Variants in LMX1A observed in about 807,000 individuals in gnomAD.
LMX1A encodes the protein LIM homeobox transcription factor 1 alpha.
LMX1A carries 15 observed loss-of-function variants against 49.1 expected under a neutral mutation model. The ratio of observed to expected loss-of-function variants is 0.31; its 90% CI spans 0.20 to 0.47. The LOEUF (loss-of-function observed/expected upper bound fraction) is 0.47. Among genes scored for constraint, LMX1A ranks in the 20% least tolerant of loss-of-function variants. The pLI is 1.00. For missense variants in LMX1A, 372 were observed against 475.8 expected, an observed-to-expected ratio of 0.78 and a Z score of 2.03; for synonymous variants, 167 against 185.7, an observed-to-expected ratio of 0.90 and a Z score of 0.82.
intron 6 of LMX1A, among the ~76,000 whole-genome samples, chr1:165,209,987 C>T (rs1355132887): frequency 6.6e-6 from 1 of 152,208 alleles, no homozygotes; most frequent in Non-Finnish European, 1.5e-5. Context: ...ATCCACTGCA[C>T]AATTGATTGC....
rs1432993130 is a variant in LMX1A, at chr1:165,203,484, C to CATCT, written c.*392_*395dup. ...GAAAGGTTACACACTCACACACACACATCTATCTATCTGTCCTTCTGTCTA... is the reference window on the plus strand; with the variant it reads ...GAAAGGTTACACACTCACACACACACATCTATCTATCTATCTGTCCTTCTGTCTA... On this transcript the variant is annotated 3_prime_UTR_variant, in exon 9 of 9. Transcript: ENST00000342310. 6.2e-6 allele frequency: 1 copy of CATCT among 160,444 alleles called. No homozygotes were observed. The highest frequency in any genetic ancestry group is 1.9e-4 in the South Asian group (1 of 5,236). The allele number at this position is 160,444 out of a possible 1,614,324, so 9.9% of individuals were successfully genotyped here.
intron 3 of LMX1A, among the ~76,000 whole-genome samples, chr1:165,332,200 G>A (rs376972338): frequency 2.0e-5 from 3 of 151,994 alleles, no homozygotes; most frequent in African/African-American, 7.2e-5. Context: ...TAAACCAAAA[G>A]AAGGCATGAA....
intron 4 of LMX1A, among the ~76,000 whole-genome samples, chr1:165,242,123 T>C (rs1652676329): frequency 6.6e-6 from 1 of 152,144 alleles, no homozygotes; most frequent in South Asian, 2.1e-4. Flanking sequence ...ATTCACACAA[T>C]AAGCAAACAT....
At chr1:165,347,498 G>A (rs1656287771) in intron 3 of LMX1A, among the ~76,000 whole-genome samples, 1 of 152,126 alleles carries the variant, frequency 6.6e-6, no homozygotes, top group Non-Finnish European at 1.5e-5. Flanking sequence ...GCTTATATGG[G>A]AACTTCTCTC....
intron 3 of LMX1A, among the ~76,000 whole-genome samples, chr1:165,305,240 A>G (rs1557878942): frequency 6.6e-6 from 1 of 152,282 alleles, no homozygotes; most frequent in East Asian, 1.9e-4. Context: ...CTTCCCAGGT[A>G]ATGGGGTCGA....
chr1:165,204,093 C>T, intron 8 of LMX1A, 53 bp from the exon 9 acceptor site: 1 of 1,583,236 alleles, frequency 6.3e-7, no homozygotes, highest in Non-Finnish European at 8.6e-7. Flanking sequence ...TGACTCATTT[C>T]AGTGCTAGGA....
chr1:165,289,205 T>G (rs916623828), intron 3 of LMX1A, among the ~76,000 whole-genome samples: 1 of 150,636 alleles, frequency 6.6e-6, no homozygotes, highest in Non-Finnish European at 1.5e-5. Context: ...CCAAAGTCAC[T>G]GAAATGTGTG....
chr1:165,248,290 G>A (rs1652929887), intron 4 of LMX1A, among the ~76,000 whole-genome samples: 1 of 152,184 alleles, frequency 6.6e-6, no homozygotes, highest in South Asian at 2.1e-4. Context: ...AGGCTGGAGT[G>A]AAGGGTGGGA....
chr1:165,292,806 C>T (rs1654511718), intron 3 of LMX1A, among the ~76,000 whole-genome samples: 1 of 152,120 alleles, frequency 6.6e-6, no homozygotes, highest in African/African-American at 2.4e-5. Context: ...CCACGTGTCA[C>T]ATTCATTGTC....
At chr1:165,347,298 G>A (rs183491081) in intron 3 of LMX1A, among the ~76,000 whole-genome samples, 2 of 152,284 alleles carry the variant, frequency 1.3e-5, no homozygotes, top group African/African-American at 4.8e-5. Flanking sequence ...ATCTGAAAAG[G>A]CCACTGGCAG....
At chr1:165,226,531 G>T (rs1029659288) in intron 4 of LMX1A, among the ~76,000 whole-genome samples, 1 of 152,190 alleles carries the variant, frequency 6.6e-6, no homozygotes, top group Non-Finnish European at 1.5e-5. Flanking sequence ...GAGATCTAGA[G>T]CAAGAGATTA....
intron 3 of LMX1A, among the ~76,000 whole-genome samples, chr1:165,323,702 T>G (rs1192437957): frequency 2.0e-5 from 3 of 152,200 alleles, no homozygotes; most frequent in African/African-American, 7.2e-5. Flanking sequence ...TGATCTACTT[T>G]TCATCCCATT....
intron 3 of LMX1A, among the ~76,000 whole-genome samples, chr1:165,262,834 T>G (rs1309013766): frequency 6.6e-6 from 1 of 152,192 alleles, no homozygotes; most frequent in Admixed American, 6.5e-5. Flanking sequence ...AAAAAAAATT[T>G]TAATTACTTC....
At chr1:165,242,706 C>T (rs1652697125) in intron 4 of LMX1A, among the ~76,000 whole-genome samples, 1 of 150,916 alleles carries the variant, frequency 6.6e-6, no homozygotes, top group South Asian at 2.1e-4. Context: ...GAAACCCCAT[C>T]TCTACTAAAA....
chr1:165,332,711 T>C (rs1655784241), intron 3 of LMX1A, among the ~76,000 whole-genome samples: 1 of 152,218 alleles, frequency 6.6e-6, no homozygotes, highest in Non-Finnish European at 1.5e-5. Context: ...ACAACATTCA[T>C]TCTAACAAGT....
At chr1:165,249,330 G>T in intron 4 of LMX1A, 78 bp downstream of exon 4, 2 of 1,002,368 alleles carry the variant, frequency 2.0e-6, no homozygotes, top group Non-Finnish European at 3.1e-6. Context: ...TGGCCATCTA[G>T]GGAAGAAACA....
At chr1:165,210,029 T>A (rs1385677648) in intron 6 of LMX1A, among the ~76,000 whole-genome samples, 13 of 152,346 alleles carry the variant, frequency 8.5e-5, no homozygotes, top group Middle Eastern at 6.8e-3. Flanking sequence ...TCTCCACATA[T>A]TTTGTCACAG....
At chr1:165,257,123 T>C (rs1653271127) in intron 3 of LMX1A, among the ~76,000 whole-genome samples, 1 of 152,202 alleles carries the variant, frequency 6.6e-6, no homozygotes, top group African/African-American at 2.4e-5. Flanking sequence ...GAAAGTGTGA[T>C]ATTCTTTTTA....
At chr1:165,227,193 A>G (rs1652065589) in intron 4 of LMX1A, among the ~76,000 whole-genome samples, 2 of 152,174 alleles carry the variant, frequency 1.3e-5, no homozygotes, top group South Asian at 4.1e-4. Context: ...ATGGACAGTG[A>G]AGGAGGGGTT....
Sources: gnomAD v4.1 joint callset for allele counts (sites outside exome capture counted in the v4.1 genomes callset) on GRCh38, gnomAD v4.1.1 for gene constraint, MANE v1.5 for transcripts, NCBI Gene and HGNC (gene_info 2026-07-23, HGNC 2026-07-21) for gene names.